TTC28: variants seen among roughly 807,000 people sequenced by gnomAD.
The protein encoded by TTC28 is tetratricopeptide repeat domain 28.
Under a neutral mutation model 198.0 loss-of-function variants are expected in TTC28, and 61 were observed. The ratio of observed to expected loss-of-function variants is 0.31; its 90% CI spans 0.25 to 0.38. TTC28 has a LOEUF of 0.38. Ranked by LOEUF, TTC28 falls within the 10% of genes least tolerant of loss-of-function variation. TTC28 has a pLI of 1.00. For synonymous variants in TTC28, 1,171 were observed against 1,297.8 expected (o/e 0.90, Z 2.10); for missense variants, 2,678 against 3,164.0 (o/e 0.85, Z 3.69).
intron 2 of TTC28, among the ~76,000 whole-genome samples, chr22:28,399,863 A>T (rs1399161902): frequency 6.6e-6 from 1 of 152,178 alleles, no homozygotes; most frequent in South Asian, 2.1e-4. Context: ...AATTCACCAG[A>T]TATTCATCTT....
chr22:28,509,182 T>G (rs1357920055), intron 2 of TTC28, among the ~76,000 whole-genome samples: 1 of 149,598 alleles, frequency 6.7e-6, no homozygotes, highest in Non-Finnish European at 1.5e-5. Flanking sequence ...CAAAGTGAGA[T>G]TCTGCCTTCA....
intron 5 of TTC28, among the ~76,000 whole-genome samples, chr22:28,170,908 G>A (rs1322978184): frequency 3.3e-5 from 5 of 150,878 alleles, no homozygotes; most frequent in South Asian, 2.1e-4. Context: ...GCCTAGAAGC[G>A]CTTCTAACCC....
At chr22:28,469,172 C>T (rs1363504859) in intron 2 of TTC28, among the ~76,000 whole-genome samples, 1 of 152,122 alleles carries the variant, frequency 6.6e-6, no homozygotes, top group East Asian at 1.9e-4. Flanking sequence ...TTCAGACTAC[C>T]TCTTGTGGGA....
chr22:27,997,100 C>T (rs138649), intron 16 of TTC28, among the ~76,000 whole-genome samples: 151,018 of 152,346 alleles, frequency 0.99, 74,856 homozygotes, highest in Middle Eastern at 1. Flanking sequence ...GCAGGTTGCA[C>T]AGGACTTGTG....
chr22:28,089,342 T>A (rs936375913), intron 12 of TTC28, among the ~76,000 whole-genome samples: 2 of 151,952 alleles, frequency 1.3e-5, no homozygotes, highest in Non-Finnish European at 2.9e-5. Context: ...CCATAAAAAA[T>A]GATGAGTTCA....
chr22:28,131,006 T>C (rs1943048076), intron 6 of TTC28, among the ~76,000 whole-genome samples: 1 of 152,238 alleles, frequency 6.6e-6, no homozygotes, highest in African/African-American at 2.4e-5. Flanking sequence ...TATCAAGCCC[T>C]TCTGTCATGA....
In TTC28 at chr22:28,676,093, G is replaced by A. The variant is rs955859806; in HGVS notation, c.102+3529C>T. ...CATAGCAGCATTATTCATAATAGCC[G>A]AAAATTGGAAAAAAAAACTCACGTG... On this transcript the variant is annotated intron_variant, in intron 1 of 22. Coordinates refer to ENST00000397906, the MANE Select transcript of TTC28 (RefSeq NM_001145418.2). Among the ~76,000 whole-genome samples the A allele has an allele frequency of 6.8e-5, 10 of 147,546 alleles. No individual in the cohort carries two copies. In the East Asian group the frequency reaches 7.7e-4, roughly 11 times the overall value.
intron 5 of TTC28, among the ~76,000 whole-genome samples, chr22:28,270,823 C>T (rs1481797024): frequency 6.6e-6 from 1 of 151,936 alleles, no homozygotes; most frequent in Non-Finnish European, 1.5e-5. Flanking sequence ...TTCTTGGGCC[C>T]AGGAGTTTGA....
intron 2 of TTC28, among the ~76,000 whole-genome samples, chr22:28,586,959 C>T (rs2050330250): frequency 6.6e-6 from 1 of 152,112 alleles, no homozygotes; most frequent in Non-Finnish European, 1.5e-5. Flanking sequence ...TGGTAGCTCA[C>T]GTGTGTAATC....
Position 27,983,555 on chromosome 22 carries a change from T to G in TTC28, c.6112A>C (p.Arg2038=). The part of the protein sequence containing the change: ...NAYLQRSTLP[R]SQLPPQTRPA... ...CGGGTCTGGGGAGGCAGCTGGCTCC[T>G]AGGCAGGGTGGATCTCTGCAGGTAA... Residue 2038 remains arginine, a synonymous_variant, in exon 23 of 23, where the codon AGG becomes CGG. Coordinates refer to ENST00000397906, the MANE Select transcript of TTC28 (RefSeq NM_001145418.2). 1 of 1,551,338 alleles carries G rather than the reference T, an allele frequency of 6.4e-7. No individual in the cohort carries two copies. The highest frequency in any genetic ancestry group is 1.2e-5 in the South Asian group (1 of 84,024).
At chr22:28,392,332 G>T (rs1317416951) in intron 2 of TTC28, among the ~76,000 whole-genome samples, 1 of 152,214 alleles carries the variant, frequency 6.6e-6, no homozygotes, top group Non-Finnish European at 1.5e-5. Flanking sequence ...GGAGCCTACA[G>T]AGGCAGGCAG....
chr22:28,202,493 C>T (rs1422280419), intron 5 of TTC28, among the ~76,000 whole-genome samples: 1 of 151,038 alleles, frequency 6.6e-6, no homozygotes, highest in East Asian at 2.0e-4. Context: ...GCCAAGATCG[C>T]ACCACTGCAC....
At chr22:28,491,525 G>C (rs1359229694) in intron 2 of TTC28, among the ~76,000 whole-genome samples, 1 of 152,114 alleles carries the variant, frequency 6.6e-6, no homozygotes, top group Non-Finnish European at 1.5e-5. Context: ...ATCATCACTG[G>C]CCATCAAAGA....
chr22:28,247,181 T>TC (rs1011898697), intron 5 of TTC28, among the ~76,000 whole-genome samples: 16 of 152,112 alleles, frequency 1.1e-4, no homozygotes, highest in Admixed American at 1.0e-3. Flanking sequence ...GGGACAACAC[T>TC]CAATAAAGAG....
intron 5 of TTC28, among the ~76,000 whole-genome samples, chr22:28,258,804 G>A (rs1006418965): frequency 6.6e-6 from 1 of 152,076 alleles, no homozygotes; most frequent in African/African-American, 2.4e-5. Flanking sequence ...GCTGAAGAAT[G>A]TCAAGAGCTG....
At chr22:28,476,983 A>G (rs1363872320) in intron 2 of TTC28, among the ~76,000 whole-genome samples, 2 of 152,232 alleles carry the variant, frequency 1.3e-5, no homozygotes, top group South Asian at 2.1e-4. Context: ...AATTGTACAG[A>G]CATTACGTTG....
At chr22:28,093,975 C>T (rs1278124650) in intron 12 of TTC28, 105 bp downstream of exon 12, 3 of 1,258,510 alleles carry the variant, frequency 2.4e-6, no homozygotes, top group Admixed American at 2.9e-5. Context: ...AGCGCAACTA[C>T]ATGAATTCCA....
rs558130614 is a variant in TTC28 at position 28,386,567 on chromosome 22, T to C, written c.382-79924A>G. Among the ~76,000 whole-genome samples, 11 of 152,264 alleles carry C rather than the reference T, an allele frequency of 7.2e-5. No homozygotes were observed. In the East Asian group the frequency reaches 2.1e-3, roughly 29 times the overall value. On this transcript the variant is annotated intron_variant, in intron 2 of 22. Transcript: ENST00000397906. ...GCTAAAGATTCATACCTAAAATATT[T>C]GTCCTTGAATGGGTATAGGGTCAGA...
At chr22:28,466,860 T>C (rs1386623122) in intron 2 of TTC28, among the ~76,000 whole-genome samples, 5 of 104,854 alleles carry the variant, frequency 4.8e-5, no homozygotes, top group African/African-American at 1.4e-4. Context: ...CACACACCCC[T>C]ATGCCAGTAT....
Sources: allele counts gnomAD v4.1 joint callset (sites outside exome capture counted in the v4.1 genomes callset), GRCh38; gene constraint gnomAD v4.1.1; transcripts MANE v1.5; gene names NCBI Gene and HGNC (gene_info 2026-07-23, HGNC 2026-07-21).